The following DENND4C variants were observed in gnomAD, a reference collection of about 807,000 sequenced individuals.
DENND4C encodes DENN domain containing 4C, also known as DENN domain-containing protein 4C.
DENND4C carries 108 observed loss-of-function variants against 203.0 expected under a neutral mutation model. The ratio of observed to expected loss-of-function variants is 0.53; its 90% confidence interval spans 0.46 to 0.62. DENND4C has a LOEUF of 0.62. Ranked by LOEUF, DENND4C falls within the 20% of genes least tolerant of loss-of-function variation. DENND4C has a pLI of 0.00. For missense variants in DENND4C, 2,481 were observed against 2,301.2 expected (o/e 1.08, Z -1.60); for synonymous variants, 871 against 792.4 (o/e 1.10, Z -1.67).
At chr9:19,315,530 TG>T (rs1000803886) in intron 10 of DENND4C, among the ~76,000 whole-genome samples, 16 of 151,298 alleles carry the variant, frequency 1.1e-4, no homozygotes, top group African/African-American at 3.4e-4. Context: ...CATGTATATA[TG>T]TATGTGTATA....
chr9:19,346,830 C>T lies in DENND4C; in HGVS notation c.4061C>T (p.Thr1354Ile). Residue 1354 changes from threonine (T) to isoleucine (I), a missense_variant, in exon 23 of 33, where the codon ACT (threonine) becomes ATT (isoleucine). Physicochemically the swap from Thr to Ile is moderately conservative, Grantham distance 89. This residue lies in a region of DENND4C where 2,289 missense variants were observed against 2,113.3 expected (regional missense o/e 1.08). Coordinates refer to ENST00000434457, the MANE Select transcript of DENND4C (RefSeq NM_001330640.2). The stretch of plus-strand genomic sequence containing the variant: ...TCACCTGCAGTGTCCAGGTCTAAAA[C>T]TTTTACTGGGCGTTTCAAGCAGCAA... ...KSSPAVSRSK[T>I]FTGRFKQQTP... 6.2e-7 allele frequency: 1 copy of T among 1,614,190 alleles called. No homozygotes were observed. The highest frequency in any genetic ancestry group is 8.5e-7 in the Non-Finnish European group (1 of 1,180,038).
intron 1 of DENND4C, among the ~76,000 whole-genome samples, chr9:19,244,474 C>A (rs897933728): frequency 2.0e-5 from 3 of 152,020 alleles, no homozygotes; most frequent in Admixed American, 2.0e-4. Context: ...GGCGTGGTGG[C>A]TCACACCTGT....
At chr9:19,264,619 T>C (rs1012499028) in intron 1 of DENND4C, among the ~76,000 whole-genome samples, 7 of 152,184 alleles carry the variant, frequency 4.6e-5, no homozygotes, top group African/African-American at 1.7e-4. Flanking sequence ...TAGTTTCTAA[T>C]GATCTTTTGA....
At chr9:19,306,205 C>T (rs951299766) in intron 10 of DENND4C, among the ~76,000 whole-genome samples, 1 of 152,034 alleles carries the variant, frequency 6.6e-6, no homozygotes, top group African/African-American at 2.4e-5. Flanking sequence ...ACTTCCAGGC[C>T]GTAGAACGCT....
intron 12 of DENND4C, among the ~76,000 whole-genome samples, chr9:19,319,354 A>G (rs1013169527): frequency 7.7e-5 from 11 of 141,968 alleles, no homozygotes; most frequent in African/African-American, 2.9e-4. Flanking sequence ...ATATATACTT[A>G]TATATACACA....
At chr9:19,367,051 T>C (rs1046508049) in intron 30 of DENND4C, among the ~76,000 whole-genome samples, 3 of 152,186 alleles carry the variant, frequency 2.0e-5, no homozygotes, top group Non-Finnish European at 4.4e-5. Context: ...AAATCAGTAG[T>C]TCTTCAAATA....
At chr9:19,352,724 G>A in intron 26 of DENND4C, 59 bp downstream of exon 26, 2 of 1,341,252 alleles carry the variant, frequency 1.5e-6, no homozygotes, top group Non-Finnish European at 2.0e-6. Flanking sequence ...CGACTTCTGG[G>A]AGAAGAGTGA....
rs572930977 is a variant in DENND4C, at chr9:19,332,337, A to G, written c.2460+153A>G. On this transcript the variant is annotated intron_variant, in intron 17 of 32. Coordinates refer to ENST00000434457, the MANE Select transcript of DENND4C (RefSeq NM_001330640.2). ...CTGTTTCATGGAGCTGGTGCATATT[A>G]CTTGTTTATTTTTTATTTTAATTAT... 23 of 615,204 alleles carry G rather than the reference A, an allele frequency of 3.7e-5. No individual in the cohort carries two copies. In the African/African-American group the frequency reaches 3.9e-4, roughly 10 times the overall value. The allele number at this position is 615,204 out of a possible 1,614,324, so 38.1% of individuals were successfully genotyped here.
At chr9:19,344,106 G>A (rs1260211016) in intron 22 of DENND4C, among the ~76,000 whole-genome samples, 2 of 152,124 alleles carry the variant, frequency 1.3e-5, no homozygotes, top group Non-Finnish European at 2.9e-5. Context: ...AGATTAAAAA[G>A]AACCTTGAAA....
intron 30 of DENND4C, among the ~76,000 whole-genome samples, chr9:19,366,309 A>G (rs1249752982): frequency 6.6e-6 from 1 of 152,184 alleles, no homozygotes; most frequent in Non-Finnish European, 1.5e-5. Flanking sequence ...ACCATTTAAG[A>G]TAGTCTTTTC....
rs935033447 is a variant in DENND4C, at chr9:19,360,232, A to T, written c.5161-12A>T. On this transcript the variant is annotated splice_polypyrimidine_tract_variant and intron_variant, in intron 28 of 32. Coordinates refer to ENST00000434457, the MANE Select transcript of DENND4C (RefSeq NM_001330640.2). The stretch of plus-strand genomic sequence containing the variant: ...ACAGATAATATTAATTTCTTTTTGT[A>T]TTTTTTTTAAGGATCCTTTAGGAAA... The T allele has an allele frequency of 6.2e-7, 1 of 1,606,920 alleles. No homozygotes were observed. The highest frequency in any genetic ancestry group is 8.5e-7 in the Non-Finnish European group (1 of 1,176,942).
chr9:19,253,719 T>G (rs1270465160), intron 1 of DENND4C, among the ~76,000 whole-genome samples: 1 of 152,114 alleles, frequency 6.6e-6, no homozygotes, highest in Non-Finnish European at 1.5e-5. Flanking sequence ...CTGCATTTAG[T>G]TTTTTTTATC....
intron 1 of DENND4C, among the ~76,000 whole-genome samples, chr9:19,249,545 C>T (rs1384858152): frequency 6.6e-6 from 1 of 152,066 alleles, no homozygotes; most frequent in Non-Finnish European, 1.5e-5. Context: ...TGTAAGCCAT[C>T]GCGCCTGGCC....
chr9:19,279,984 T>C (rs954333363), intron 2 of DENND4C, among the ~76,000 whole-genome samples: 1 of 151,206 alleles, frequency 6.6e-6, no homozygotes, highest in African/African-American at 2.4e-5. Flanking sequence ...AAGGAAGAAA[T>C]CAGTGGAGAA....
chr9:19,271,357 G>A (rs1831625241), intron 1 of DENND4C, among the ~76,000 whole-genome samples: 1 of 151,786 alleles, frequency 6.6e-6, no homozygotes, highest in African/African-American at 2.4e-5. Flanking sequence ...ATTCCACCAT[G>A]CCCCACTAAT....
intron 1 of DENND4C, among the ~76,000 whole-genome samples, chr9:19,233,221 G>C (rs778615538): frequency 4.0e-5 from 6 of 150,722 alleles, no homozygotes; most frequent in Non-Finnish European, 7.4e-5. Flanking sequence ...TTGCTGAATA[G>C]CAAGGGCAGA....
At chr9:19,329,302 A>G (rs1818558207) in intron 16 of DENND4C, among the ~76,000 whole-genome samples, 1 of 152,224 alleles carries the variant, frequency 6.6e-6, no homozygotes, top group Non-Finnish European at 1.5e-5. Flanking sequence ...TTTCAAGAGT[A>G]GAACTGCATA....
rs1268170916 is a variant in DENND4C at position 19,345,901 on chromosome 9, T to C, written c.3152-20T>C. 2 of 1,551,874 alleles carry C rather than the reference T, an allele frequency of 1.3e-6. No individual in the cohort carries two copies. The highest frequency in any genetic ancestry group is 2.8e-5 in the African/African-American group (2 of 72,424). Reference sequence around the variant, plus strand: ...ACTTGGAAAATAGGTTCATTGTTAATATTTTACTTTCCCTTTTAGGTAGTA... The same window carrying C: ...ACTTGGAAAATAGGTTCATTGTTAACATTTTACTTTCCCTTTTAGGTAGTA... On this transcript the variant is annotated intron_variant, in intron 22 of 32. Transcript: ENST00000434457.
chr9:19,233,946 A>C (rs1324714857), intron 1 of DENND4C, among the ~76,000 whole-genome samples: 1 of 152,162 alleles, frequency 6.6e-6, no homozygotes, highest in Non-Finnish European at 1.5e-5. Context: ...AAAAAATTTA[A>C]ATTACTCTCC....
Sources: gnomAD v4.1 joint callset for allele counts (sites outside exome capture counted in the v4.1 genomes callset) on GRCh38, gnomAD v4.1.1 for gene constraint, gnomAD v4.1.1 regional missense constraint, MANE v1.5 for transcripts, NCBI Gene and HGNC (gene_info 2026-07-23, HGNC 2026-07-21) for gene names.